UBE2M: variants seen among roughly 807,000 people sequenced by gnomAD.
UBE2M encodes the protein NEDD8-conjugating enzyme Ubc12.
UBE2M carries 2 observed loss-of-function variants against 23.5 expected under a neutral mutation model. The observed-to-expected ratio is 0.09, with a 90% CI of 0.03 to 0.27. The LOEUF (loss-of-function observed/expected upper bound fraction) is 0.27, where lower values mean the gene tolerates loss of function less well. Ranked by LOEUF, UBE2M falls within the 10% of genes least tolerant of loss-of-function variation. The pLI is 1.00. For synonymous variants in UBE2M, 97 were observed against 95.2 expected (o/e 1.02, Z -0.11); for missense variants, 103 against 232.9 (o/e 0.44, Z 3.63).
intron 1 of UBE2M, among the ~76,000 whole-genome samples, chr19:58,557,838 G>A (rs904616814): frequency 1.8e-4 from 28 of 151,416 alleles, no homozygotes; most frequent in Admixed American, 1.7e-3. Context: ...TACTTCACCC[G>A]TTTGACTCAG....
Position 58,558,343 on chromosome 19 carries a change from C to T in UBE2M, c.39G>A (p.Glu13=). The change falls in exon 1 of 6, where the codon GAG becomes GAA. Residue 13 remains glutamate (E), a synonymous_variant. Coordinates refer to ENST00000253023, the MANE Select transcript of UBE2M (RefSeq NM_003969.4). The surrounding 1 kb of genome is among the most constrained non-coding windows in gnomAD (Gnocchi z 4.7). The part of the protein sequence containing the change: ...KLFSLKQQKK[E]EESAGGTKGS... ...CCTTGGTGCCGCCCGCCGACTCCTC[C>T]TCCTTCTTCTGCTGCTTCAGCGAGA... The T allele has an allele frequency of 6.3e-7, 1 of 1,594,990 alleles. No individual in the cohort carries two copies. Among genetic ancestry groups the T allele is most frequent in the South Asian group, 1.1e-5 (1 of 89,454 alleles).
chr19:58,556,451 A>C lies in UBE2M; in HGVS notation c.348-72T>G. The C allele has an allele frequency of 6.6e-7, 1 of 1,522,108 alleles. No individual in the cohort carries two copies. Among genetic ancestry groups the C allele is most frequent in the Non-Finnish European group, 9.1e-7 (1 of 1,103,486 alleles). The allele number at this position is 1,522,108 out of a possible 1,614,324, so 94.3% of individuals were successfully genotyped here. ...GCCACAGGCCCCTCTGGTGTTGGGCAGGTCAGATCCAGGGCATAGGAGAGT... is the reference window on the plus strand; with the variant it reads ...GCCACAGGCCCCTCTGGTGTTGGGCCGGTCAGATCCAGGGCATAGGAGAGT... On this transcript the variant is annotated intron_variant, in intron 4 of 5. Transcript: ENST00000253023. This position sits in a 1 kb window ranked among gnomAD's most constrained non-coding sequence, Gnocchi z 4.9.
Position 58,556,710 on chromosome 19 carries a change from G to A in UBE2M, c.324C>T (p.Gly108=). 2 of 1,531,164 alleles carry A rather than the reference G, an allele frequency of 1.3e-6. No individual in the cohort carries two copies. Among genetic ancestry groups the A allele is most frequent in the Non-Finnish European group, 8.8e-7 (1 of 1,141,080 alleles). 94.8% of individuals were successfully genotyped at this position (1,531,164 alleles called of 1,614,324 possible). A position where few individuals can be genotyped will look rare whatever the true frequency, so the allele number is the denominator to read the frequency against. ...MVYHPNIDLE[G]NVCLNILRED... is the part of the protein sequence containing the mutation. ...ACCTGAGGATGTTGAGGCAGACGTT[G>A]CCCTCGAGGTCAATGTTGGGGTGAT... is the stretch of plus-strand genomic sequence containing the variant. The change falls in exon 4 of 6, where the codon GGC becomes GGT. Residue 108 remains glycine (G), a synonymous_variant. Transcript: ENST00000253023. This position sits in a 1 kb window ranked among gnomAD's most constrained non-coding sequence, Gnocchi z 4.9.
rs1298967303 is a variant in UBE2M at position 58,556,155 on chromosome 19, C to T, written c.486G>A (p.Gln162=). 3.1e-6 allele frequency: 5 copies of T among 1,614,068 alleles called. No individual in the cohort carries two copies. Among genetic ancestry groups the T allele is most frequent in the Non-Finnish European group, 4.2e-6 (5 of 1,180,010 alleles). The part of the protein sequence containing the change: ...VLQNNRRLFE[Q]NVQRSMRGGY... ...CACCCCGCATGGAGCGCTGCACGTTCTGCTCAAACAGCCGCCGGTTGTTCT... is the reference window on the plus strand; with the variant it reads ...CACCCCGCATGGAGCGCTGCACGTTTTGCTCAAACAGCCGCCGGTTGTTCT... The change falls in exon 6 of 6, where the codon CAG becomes CAA. Residue 162 remains glutamine, a synonymous_variant. Transcript: ENST00000253023. The surrounding 1 kb of genome is among the most constrained non-coding windows in gnomAD (Gnocchi z 4.9).
chr19:58,556,991 G>A lies in UBE2M; in HGVS notation c.205-61C>T, dbSNP rs1267813430. On this transcript the variant is annotated intron_variant, in intron 2 of 5. Transcript: ENST00000253023. This position sits in a 1 kb window ranked among gnomAD's most constrained non-coding sequence, Gnocchi z 4.9. Reference sequence around the variant, plus strand: ...TCCATCCTGTGGGGCCCGATGGGCAGAACATGTCTCCCTCCTCTCAGTGGG... The same window carrying A: ...TCCATCCTGTGGGGCCCGATGGGCAAAACATGTCTCCCTCCTCTCAGTGGG... The A allele has an allele frequency of 1.2e-6, 2 of 1,613,630 alleles. No homozygotes were observed. The highest frequency in any genetic ancestry group is 2.7e-5 in the African/African-American group (2 of 74,896).
rs913105588 is a variant in UBE2M at position 58,555,998 on chromosome 19, C to T, written c.*91G>A. 36 of 1,494,100 alleles carry T rather than the reference C, an allele frequency of 2.4e-5. 1 individual carries two copies. The highest frequency in any genetic ancestry group is 6.1e-5 in the Admixed American group (3 of 48,854). 92.6% of individuals were successfully genotyped at this position (1,494,100 alleles called of 1,614,324 possible). ...CAAGGCAGGGGATTCCCCCACCGGCCGCCCCCCAAACCCCTACCCATGGCC... is the reference window on the plus strand; with the variant it reads ...CAAGGCAGGGGATTCCCCCACCGGCTGCCCCCCAAACCCCTACCCATGGCC... On this transcript the variant is annotated 3_prime_UTR_variant, in exon 6 of 6. Coordinates refer to ENST00000253023, the MANE Select transcript of UBE2M (RefSeq NM_003969.4).
At position 58,555,885 on chromosome 19, in the gene UBE2M, G is replaced by T. The variant is rs2053886151; in HGVS notation, c.*204C>A. On this transcript the variant is annotated 3_prime_UTR_variant, in exon 6 of 6. Coordinates refer to ENST00000253023, the MANE Select transcript of UBE2M (RefSeq NM_003969.4). ...CCAATTCATTTCCCATCGCTGAGTG[G>T]GTCGGGGGAGGCAGCGCCGACCTTA... is the stretch of plus-strand genomic sequence containing the variant. The T allele has an allele frequency of 1.5e-6, 1 of 647,540 alleles. No homozygotes were observed. Among genetic ancestry groups the T allele is most frequent in the Non-Finnish European group, 2.6e-6 (1 of 384,502 alleles). 40.1% of individuals were successfully genotyped at this position (647,540 alleles called of 1,614,324 possible). A position where few individuals can be genotyped will look rare whatever the true frequency, so the allele number is the denominator to read the frequency against.
At position 58,556,521 on chromosome 19, in the gene UBE2M, C is replaced by T; in HGVS notation, c.348-142G>A. On this transcript the variant is annotated intron_variant, in intron 4 of 5. Coordinates refer to ENST00000253023, the MANE Select transcript of UBE2M (RefSeq NM_003969.4). This position sits in a 1 kb window ranked among gnomAD's most constrained non-coding sequence, Gnocchi z 4.9. ...AGGGAGGGTGTGGAGCAGGACAGGCCAAGGAGAAAACCAAGGTCAGGCCAT... is the reference window on the plus strand; with the variant it reads ...AGGGAGGGTGTGGAGCAGGACAGGCTAAGGAGAAAACCAAGGTCAGGCCAT... 1 of 1,100,870 alleles carries T rather than the reference C, an allele frequency of 9.1e-7. No homozygotes were observed. Among genetic ancestry groups the T allele is most frequent in the Non-Finnish European group, 1.3e-6 (1 of 770,896 alleles). 68.2% of individuals were successfully genotyped at this position (1,100,870 alleles called of 1,614,324 possible).
rs574167178 is a variant in UBE2M at position 58,555,872 on chromosome 19, C to T, written c.*217G>A. The T allele has an allele frequency of 6.2e-4, 379 of 615,740 alleles. 1 individual carries two copies. The highest frequency in any genetic ancestry group is 9.8e-4 in the Non-Finnish European group (351 of 357,956). 38.1% of individuals were successfully genotyped at this position (615,740 alleles called of 1,614,324 possible). ...GGGGCTAGACAAGCCAATTCATTTCCCATCGCTGAGTGGGTCGGGGGAGGC... is the reference window on the plus strand; with the variant it reads ...GGGGCTAGACAAGCCAATTCATTTCTCATCGCTGAGTGGGTCGGGGGAGGC... On this transcript the variant is annotated 3_prime_UTR_variant, in exon 6 of 6. Coordinates refer to ENST00000253023, the MANE Select transcript of UBE2M (RefSeq NM_003969.4).
In UBE2M at chr19:58,555,956, G is replaced by A. The variant is rs1386929655; in HGVS notation, c.*133C>T. 5.4e-6 allele frequency: 7 copies of A among 1,288,326 alleles called. No individual in the cohort carries two copies. The East Asian group carries it at 1.5e-4, about 28-fold the overall frequency. The allele number at this position is 1,288,326 out of a possible 1,614,324, so 79.8% of individuals were successfully genotyped here. On this transcript the variant is annotated 3_prime_UTR_variant, in exon 6 of 6. Coordinates refer to ENST00000253023, the MANE Select transcript of UBE2M (RefSeq NM_003969.4). ...AAAAAATAACTAGGGGCACGTGGCA[G>A]GAAGGGGAGGCAAGGCCAAGGCAGG...
rs1568670333 is a variant in UBE2M at position 58,556,841 on chromosome 19, A to AGCT, written c.243+48_243+50dup. 6.2e-7 allele frequency: 1 copy of AGCT among 1,613,624 alleles called. No homozygotes were observed. Among genetic ancestry groups the AGCT allele is most frequent in the Non-Finnish European group, 8.5e-7 (1 of 1,179,702 alleles). On this transcript the variant is annotated intron_variant, in intron 3 of 5. Transcript: ENST00000253023. The surrounding 1 kb of genome is among the most constrained non-coding windows in gnomAD (Gnocchi z 4.9). ...ATGGGTAGGTGCCTGGAAGGGCCTC[A>AGCT]GCTGCTGCCTCCTCTGTCCAGGGAG... is the stretch of plus-strand genomic sequence containing the variant.
In UBE2M at chr19:58,556,650, A is replaced by G. The variant is rs2053892715; in HGVS notation, c.347+37T>C. 1 of 1,496,542 alleles carries G rather than the reference A, an allele frequency of 6.7e-7. No individual in the cohort carries two copies. The highest frequency in any genetic ancestry group is 2.3e-5 in the East Asian group (1 of 43,928). The allele number at this position is 1,496,542 out of a possible 1,614,324, so 92.7% of individuals were successfully genotyped here. A position where few individuals can be genotyped will look rare whatever the true frequency, so the allele number is the denominator to read the frequency against. Reference sequence around the variant, plus strand: ...AGACCATGAGGGAGGCCTGGCAGGCAGCGCTGAGGAGGGCATTAGAGGGCC... The same window carrying G: ...AGACCATGAGGGAGGCCTGGCAGGCGGCGCTGAGGAGGGCATTAGAGGGCC... On this transcript the variant is annotated intron_variant, in intron 4 of 5. Transcript: ENST00000253023. This position sits in a 1 kb window ranked among gnomAD's most constrained non-coding sequence, Gnocchi z 4.9.
rs770441049 is a variant in UBE2M at position 58,556,925 on chromosome 19, G to C, written c.210C>G (p.Phe70Leu). The C allele has an allele frequency of 6.2e-7, 1 of 1,614,090 alleles. No homozygotes were observed. The highest frequency in any genetic ancestry group is 1.7e-5 in the Admixed American group (1 of 60,010). The change falls in exon 3 of 6, where the codon TTC becomes TTG. Residue 70 changes from phenylalanine to leucine, a missense_variant. By Grantham distance (22) the Phe-to-Leu change is conservative. Around this residue, in one of 3 missense-constraint regions of UBE2M, gnomAD observed 57 missense variants for 103.3 expected, o/e 0.55. Transcript: ENST00000253023. This position sits in a 1 kb window ranked among gnomAD's most constrained non-coding sequence, Gnocchi z 4.9. ...FKLVICPDEG[F>L]YKSGKFVFSF... ...TGAACACAAACTTCCCACTCTTGTA[G>C]AAGCCCTGGGAGGAAAAGGGGGAGA...
chr19:58,556,630 A>G lies in UBE2M; in HGVS notation c.347+57T>C. ...AGTCTGATGTAGTGCCCACAAGACCATGAGGGAGGCCTGGCAGGCAGCGCT... is the reference window on the plus strand; with the variant it reads ...AGTCTGATGTAGTGCCCACAAGACCGTGAGGGAGGCCTGGCAGGCAGCGCT... On this transcript the variant is annotated intron_variant, in intron 4 of 5. Transcript: ENST00000253023. The surrounding 1 kb of genome is among the most constrained non-coding windows in gnomAD (Gnocchi z 4.9). The G allele has an allele frequency of 7.0e-7, 1 of 1,429,748 alleles. No homozygotes were observed. Among genetic ancestry groups the G allele is most frequent in the Non-Finnish European group, 9.5e-7 (1 of 1,057,354 alleles). The allele number at this position is 1,429,748 out of a possible 1,614,324, so 88.6% of individuals were successfully genotyped here.
In UBE2M at chr19:58,556,958, T is replaced by C; in HGVS notation, c.205-28A>G. On this transcript the variant is annotated intron_variant, in intron 2 of 5. Coordinates refer to ENST00000253023, the MANE Select transcript of UBE2M (RefSeq NM_003969.4). This position sits in a 1 kb window ranked among gnomAD's most constrained non-coding sequence, Gnocchi z 4.9. Reference sequence around the variant, plus strand: ...GGGAGGAAAAGGGGGAGAAGAAAATTTTAGGGTTCCATCCTGTGGGGCCCG... The same window carrying C: ...GGGAGGAAAAGGGGGAGAAGAAAATCTTAGGGTTCCATCCTGTGGGGCCCG... 6.2e-7 allele frequency: 1 copy of C among 1,613,862 alleles called. No homozygotes were observed. The highest frequency in any genetic ancestry group is 8.5e-7 in the Non-Finnish European group (1 of 1,179,952).
chr19:58,557,252 G>A (rs2053898001), intron 1 of UBE2M, 95 bp from the exon 2 acceptor site: 14 of 1,292,852 alleles, frequency 1.1e-5, no homozygotes, highest in Non-Finnish European at 1.6e-5. Flanking sequence ...GTGTTTGTTA[G>A]CAGAGCCCCC....
rs1269189621 is a variant in UBE2M at position 58,556,038 on chromosome 19, G to A, written c.*51C>T. The A allele has an allele frequency of 6.4e-7, 1 of 1,571,146 alleles. No homozygotes were observed. Among genetic ancestry groups the A allele is most frequent in the Non-Finnish European group, 8.7e-7 (1 of 1,152,488 alleles). ...TACCCATGGCCCCCAATAAATATTT[G>A]CAGGGGATGCCAGGGCTTGTGGCCG... On this transcript the variant is annotated 3_prime_UTR_variant, in exon 6 of 6. Transcript: ENST00000253023. This position sits in a 1 kb window ranked among gnomAD's most constrained non-coding sequence, Gnocchi z 4.9.
rs145011349 is a variant in UBE2M at position 58,556,143 on chromosome 19, G to A, written c.498C>T (p.Arg166=). 1.9e-6 allele frequency: 3 copies of A among 1,613,668 alleles called. No homozygotes were observed. The highest frequency in any genetic ancestry group is 2.5e-6 in the Non-Finnish European group (3 of 1,179,966). ...NRRLFEQNVQ[R]SMRGGYIGST... The stretch of plus-strand genomic sequence containing the variant: ...AGCCGATGTAGCCACCCCGCATGGA[G>A]CGCTGCACGTTCTGCTCAAACAGCC... The change falls in exon 6 of 6, where the codon CGC becomes CGT. Residue 166 remains arginine (R), a synonymous_variant. Transcript: ENST00000253023. The surrounding 1 kb of genome is among the most constrained non-coding windows in gnomAD (Gnocchi z 4.9).
In UBE2M at chr19:58,556,906, C is replaced by G. The variant is rs1238205378; in HGVS notation, c.229G>C (p.Val77Leu). The change falls in exon 3 of 6, where the codon GTG (valine) becomes CTG (leucine). Residue 77 changes from valine to leucine, a missense_variant. Physicochemically the swap from Val to Leu is conservative, Grantham distance 32. Around this residue, in one of 3 missense-constraint regions of UBE2M, gnomAD observed 57 missense variants for 103.3 expected, o/e 0.55. Transcript: ENST00000253023. The surrounding 1 kb of genome is among the most constrained non-coding windows in gnomAD (Gnocchi z 4.9). ...DEGFYKSGKF[V>L]FSFKVGQGYP... ...CTGGGACTCACCTTAAAACTGAACACAAACTTCCCACTCTTGTAGAAGCCC... is the reference window on the plus strand; with the variant it reads ...CTGGGACTCACCTTAAAACTGAACAGAAACTTCCCACTCTTGTAGAAGCCC... 6.2e-7 allele frequency: 1 copy of G among 1,614,058 alleles called. No individual in the cohort carries two copies. Among genetic ancestry groups the G allele is most frequent in the Admixed American group, 1.7e-5 (1 of 60,014 alleles).
Sources: allele counts gnomAD v4.1 joint callset (sites outside exome capture counted in the v4.1 genomes callset), GRCh38; gene constraint gnomAD v4.1.1; regional missense constraint gnomAD v4.1.1; non-coding constraint Gnocchi (gnomAD v3.1); transcripts MANE v1.5; gene names NCBI Gene and HGNC (gene_info 2026-07-23, HGNC 2026-07-21).